The following CADM2 variants were observed in gnomAD, a reference collection of about 807,000 sequenced individuals.
The protein encoded by CADM2 is cell adhesion molecule 2.
CADM2 carries 12 observed loss-of-function variants against 49.8 expected under a neutral mutation model. The ratio of observed to expected loss-of-function variants is 0.24; its 90% CI spans 0.15 to 0.39. The LOEUF (loss-of-function observed/expected upper bound fraction) is 0.39. CADM2 is among the 10% of genes least tolerant of loss of function. The pLI is 1.00. For synonymous variants in CADM2, 214 were observed against 175.4 expected, an observed-to-expected ratio of 1.22 and a Z score of -1.74; for missense variants, 378 against 492.3, an observed-to-expected ratio of 0.77 and a Z score of 2.20.
chr3:85,883,583 C>A, intron 4 of CADM2, 140 bp downstream of exon 4: 3 of 709,074 alleles, frequency 4.2e-6, no homozygotes, highest in Non-Finnish European at 6.2e-6. Flanking sequence ...TACATTTTAA[C>A]ACAGGCGTTT....
At chr3:85,419,479 G>A (rs1234273069) in intron 1 of CADM2, among the ~76,000 whole-genome samples, 1 of 151,266 alleles carries the variant, frequency 6.6e-6, no homozygotes, top group East Asian at 1.9e-4. Flanking sequence ...AAAAATTGCA[G>A]TGAAAGATGT....
intron 1 of CADM2, among the ~76,000 whole-genome samples, chr3:85,436,228 A>C (rs1576549872): frequency 6.6e-6 from 1 of 151,950 alleles, no homozygotes; most frequent in African/African-American, 2.4e-5. Context: ...CTGTTTATCT[A>C]TTATTGGTGT....
intron 3 of CADM2, among the ~76,000 whole-genome samples, chr3:85,850,626 C>A (rs2075071154): frequency 6.6e-6 from 1 of 152,146 alleles, no homozygotes; most frequent in Non-Finnish European, 1.5e-5. Flanking sequence ...CCGCACCCAG[C>A]CTCAATTCTT....
intron 1 of CADM2, among the ~76,000 whole-genome samples, chr3:85,004,318 A>G (rs919694340): frequency 6.6e-6 from 1 of 152,116 alleles, no homozygotes; most frequent in African/African-American, 2.4e-5. Flanking sequence ...ATTTTCCACT[A>G]TTCTCTTATG....
intron 1 of CADM2, among the ~76,000 whole-genome samples, chr3:85,483,948 C>T (rs2039315834): frequency 6.6e-6 from 1 of 151,706 alleles, no homozygotes; most frequent in Non-Finnish European, 1.5e-5. Flanking sequence ...AATTTTTCTA[C>T]CTTCTTACTG....
chr3:85,190,999 T>G (rs942418007), intron 1 of CADM2, among the ~76,000 whole-genome samples: 21 of 152,114 alleles, frequency 1.4e-4, no homozygotes, highest in African/African-American at 5.1e-4. Context: ...TTTATTTCAG[T>G]ATTTTATTTT....
At chr3:85,419,412 C>G (rs111946084) in intron 1 of CADM2, among the ~76,000 whole-genome samples, 1 of 151,284 alleles carries the variant, frequency 6.6e-6, no homozygotes, top group Non-Finnish European at 1.5e-5. Context: ...GAGCGGAGAT[C>G]GCGCCACTGC....
In CADM2 at chr3:85,109,849, T is replaced by A. The variant is rs111348217; in HGVS notation, c.61+150181T>A. On this transcript the variant is annotated intron_variant, in intron 1 of 9. Coordinates refer to ENST00000383699, the MANE Select transcript of CADM2 (RefSeq NM_001167675.2). ...GCACATTTTTGTTTACATACAGCGT[T>A]GGTTCAAATTTTACTATTGTTTATA... is the stretch of plus-strand genomic sequence containing the variant. Among the ~76,000 whole-genome samples, 984 of 152,114 alleles carry A rather than the reference T, an allele frequency of 6.5e-3. 11 individuals are homozygous for A. The highest frequency in any genetic ancestry group is 0.021 in the African/African-American group (887 of 41,552).
At chr3:85,008,239 T>C (rs1392089298) in intron 1 of CADM2, among the ~76,000 whole-genome samples, 5 of 152,224 alleles carry the variant, frequency 3.3e-5, no homozygotes, top group African/African-American at 7.2e-5. Flanking sequence ...GATTTTTTTC[T>C]ATGACTTTTT....
intron 1 of CADM2, among the ~76,000 whole-genome samples, chr3:85,627,806 A>C (rs549371483): frequency 4.6e-5 from 7 of 152,218 alleles, no homozygotes; most frequent in Admixed American, 1.3e-4. Flanking sequence ...TTTTGGTTGC[A>C]AATGAGTTTT....
chr3:85,903,533 C>T (rs996587632), intron 5 of CADM2, among the ~76,000 whole-genome samples: 1 of 152,138 alleles, frequency 6.6e-6, no homozygotes. Flanking sequence ...TACCTTCTGA[C>T]CTTCATTGGT....
At chr3:85,740,843 T>G (rs2068350716) in intron 2 of CADM2, among the ~76,000 whole-genome samples, 1 of 152,218 alleles carries the variant, frequency 6.6e-6, no homozygotes, top group Non-Finnish European at 1.5e-5. Flanking sequence ...TGTGATTAAT[T>G]CTCACATCTG....
At chr3:85,001,361 TTCTA>T (rs2033454125) in intron 1 of CADM2, among the ~76,000 whole-genome samples, 2 of 152,126 alleles carry the variant, frequency 1.3e-5, no homozygotes, top group Admixed American at 6.6e-5. Context: ...TCCATTATCT[TTCTA>T]TCTATCCATC....
intron 1 of CADM2, among the ~76,000 whole-genome samples, chr3:85,065,351 A>C (rs1024513094): frequency 6.6e-6 from 1 of 152,054 alleles, no homozygotes; most frequent in Non-Finnish European, 1.5e-5. Context: ...TCCATTTTCA[A>C]TTTAAAATTG....
At chr3:85,105,325 T>G (rs2038173269) in intron 1 of CADM2, among the ~76,000 whole-genome samples, 1 of 151,968 alleles carries the variant, frequency 6.6e-6, no homozygotes, top group South Asian at 2.1e-4. Context: ...CATTTGTGAA[T>G]CCAAAAAACA....
intron 1 of CADM2, among the ~76,000 whole-genome samples, chr3:85,646,824 C>T (rs943840415): frequency 1.8e-4 from 27 of 151,806 alleles, no homozygotes; most frequent in Non-Finnish European, 3.8e-4. Context: ...GCCAATGTGT[C>T]TTGTTGATCA....
At position 85,238,143 on chromosome 3, in the gene CADM2, C is replaced by T. The variant is rs115966175; in HGVS notation, c.61+278475C>T. ...AACTATGGCTATTTTTCTTTAAAAG[C>T]TGTAAATTTTAATTTGCAATTAAAT... is the stretch of plus-strand genomic sequence containing the variant. On this transcript the variant is annotated intron_variant, in intron 1 of 9. Transcript: ENST00000383699. Among the ~76,000 whole-genome samples the T allele has an allele frequency of 3.2e-3, 482 of 151,944 alleles. 1 individual carries two copies. The highest frequency in any genetic ancestry group is 9.9e-3 in the African/African-American group (411 of 41,498).
chr3:85,252,144 C>T (rs2042790411), intron 1 of CADM2, among the ~76,000 whole-genome samples: 1 of 151,942 alleles, frequency 6.6e-6, no homozygotes, highest in African/African-American at 2.4e-5. Flanking sequence ...CTCATCATCT[C>T]TTTGTTTTTG....
intron 8 of CADM2, chr3:85,992,233 A>G (rs1035325371): frequency 6.6e-6 from 1 of 151,970 alleles, no homozygotes; most frequent in African/African-American, 2.4e-5. Context: ...CTGCTTATAC[A>G]AAAAAATTGA....
Sources: gnomAD v4.1 joint callset for allele counts (sites outside exome capture counted in the v4.1 genomes callset) on GRCh38, gnomAD v4.1.1 for gene constraint, MANE v1.5 for transcripts, NCBI Gene and HGNC (gene_info 2026-07-23, HGNC 2026-07-21) for gene names.